Variants in PRKCE observed in about 807,000 individuals in gnomAD.
PRKCE encodes the protein protein kinase C epsilon type.
Under a neutral mutation model 85.4 loss-of-function variants are expected in PRKCE, and 16 were observed. That is an observed-to-expected ratio of 0.19 (90% confidence interval 0.13 to 0.28). The LOEUF is 0.28. Ranked by LOEUF, PRKCE falls within the 10% of genes least tolerant of loss-of-function variation. PRKCE has a pLI of 1.00. For missense variants in PRKCE, 573 were observed against 975.2 expected (o/e 0.59, Z 5.49); for synonymous variants, 388 against 371.5 (o/e 1.04, Z -0.51).
chr2:45,823,911 A>C (rs1460991933), intron 1 of PRKCE, among the ~76,000 whole-genome samples: 1 of 152,208 alleles, frequency 6.6e-6, no homozygotes, highest in East Asian at 1.9e-4. Flanking sequence ...TCCTGGGAGG[A>C]GCAAGGATAT....
chr2:46,160,163 G>T (rs977977760), intron 14 of PRKCE: 1 of 207,888 alleles, frequency 4.8e-6, no homozygotes, highest in Non-Finnish European at 9.6e-6. Context: ...TGGTCATTCC[G>T]TGGAACTAGC....
chr2:46,138,595 G>A lies in PRKCE; in HGVS notation c.1593-6498G>A, dbSNP rs749536518. 3.9e-5 allele frequency among the ~76,000 whole-genome samples: 6 copies of A among 152,224 alleles called. No individual in the cohort carries two copies. The highest frequency in any genetic ancestry group is 7.2e-5 in the African/African-American group (3 of 41,518). Reference sequence around the variant, plus strand: ...AAATCTCTGTCTGGCTTAGTGATCCGGGCCAGGCCGTGTTAGAGCCCTGAT... The same window carrying A: ...AAATCTCTGTCTGGCTTAGTGATCCAGGCCAGGCCGTGTTAGAGCCCTGAT... On this transcript the variant is annotated intron_variant, in intron 11 of 14. Coordinates refer to ENST00000306156, the MANE Select transcript of PRKCE (RefSeq NM_005400.3). The surrounding 1 kb of genome is among the most constrained non-coding windows in gnomAD (Gnocchi z 4.2).
chr2:45,908,990 G>A (rs759853576), intron 2 of PRKCE, among the ~76,000 whole-genome samples: 6 of 152,180 alleles, frequency 3.9e-5, no homozygotes, highest in South Asian at 4.1e-4. Context: ...ATAAAAATGC[G>A]TGACTGAGCC....
chr2:45,779,263 G>A lies in PRKCE; in HGVS notation c.349-63737G>A, dbSNP rs544701777. Reference sequence around the variant, plus strand: ...TAGCTCCTGGCCAACTTGTAGAGGAGAGGAGAGACCCTTGCACACTGCAGT... The same window carrying A: ...TAGCTCCTGGCCAACTTGTAGAGGAAAGGAGAGACCCTTGCACACTGCAGT... On this transcript the variant is annotated intron_variant, in intron 1 of 14. Coordinates refer to ENST00000306156, the MANE Select transcript of PRKCE (RefSeq NM_005400.3). 2.6e-5 allele frequency among the ~76,000 whole-genome samples: 4 copies of A among 152,338 alleles called. No individual in the cohort carries two copies. The South Asian group carries it at 8.3e-4, about 32-fold the overall frequency.
chr2:45,904,386 G>T (rs1696816079), intron 2 of PRKCE, among the ~76,000 whole-genome samples: 1 of 152,042 alleles, frequency 6.6e-6, no homozygotes, highest in Non-Finnish European at 1.5e-5. Flanking sequence ...CAAATCACAG[G>T]GGGAGAAGAT....
At chr2:46,015,262 C>T (rs1706027130) in intron 10 of PRKCE, among the ~76,000 whole-genome samples, 1 of 151,932 alleles carries the variant, frequency 6.6e-6, no homozygotes, top group Non-Finnish European at 1.5e-5. Context: ...ATGAAATTCC[C>T]AGATTTTTAG....
chr2:45,984,189 C>T (rs891993528), intron 5 of PRKCE, among the ~76,000 whole-genome samples: 5 of 152,098 alleles, frequency 3.3e-5, no homozygotes, highest in South Asian at 2.1e-4. Flanking sequence ...CCGCCTACCT[C>T]AGCCTCCCAA....
At chr2:46,052,571 C>G (rs1270148247) in intron 10 of PRKCE, among the ~76,000 whole-genome samples, 1 of 152,144 alleles carries the variant, frequency 6.6e-6, no homozygotes, top group Non-Finnish European at 1.5e-5. Flanking sequence ...CAGTTCTCCC[C>G]AAATTGATCT....
At chr2:45,958,820 T>G (rs898349352) in intron 2 of PRKCE, among the ~76,000 whole-genome samples, 1 of 7,876 alleles carries the variant, frequency 1.3e-4, no homozygotes, top group Non-Finnish European at 2.2e-4. Context: ...ATATATATTT[T>G]TTTTTTTTTT....
chr2:45,850,407 T>C (rs1435537905), intron 2 of PRKCE, among the ~76,000 whole-genome samples: 1 of 152,238 alleles, frequency 6.6e-6, no homozygotes, highest in East Asian at 1.9e-4. Context: ...CTGTGTCCTA[T>C]AAAGAAGATT....
rs558579571 is a variant in PRKCE, at chr2:45,773,198, A to C, written c.349-69802A>C. On this transcript the variant is annotated intron_variant, in intron 1 of 14. Transcript: ENST00000306156. ...GGCTCCTGGGACCCACAGTCTTCCA[A>C]CTCTGCTCTCTGATGTCACTGTCCC... 2.6e-5 allele frequency among the ~76,000 whole-genome samples: 4 copies of C among 152,142 alleles called. No homozygotes were observed. The South Asian group carries it at 6.2e-4, about 24-fold the overall frequency.
At chr2:45,830,851 CA>C (rs1350198792) in intron 1 of PRKCE, among the ~76,000 whole-genome samples, 1 of 152,168 alleles carries the variant, frequency 6.6e-6, no homozygotes, top group African/African-American at 2.4e-5. Context: ...GCTAAACTAT[CA>C]ATTATGTGTG....
intron 14 of PRKCE, among the ~76,000 whole-genome samples, chr2:46,164,109 GAA>G (rs1489639585): frequency 2.6e-5 from 4 of 152,222 alleles, no homozygotes; most frequent in African/African-American, 9.6e-5. Context: ...GCAGAGCTGG[GAA>G]AGAAAGGGCT....
chr2:46,024,513 A>G (rs1015848440), intron 10 of PRKCE, among the ~76,000 whole-genome samples: 1 of 152,172 alleles, frequency 6.6e-6, no homozygotes, highest in Non-Finnish European at 1.5e-5. Context: ...CCTGGGATTC[A>G]TCAGCAGTAT....
chr2:46,035,348 C>T (rs1314227300), intron 10 of PRKCE, among the ~76,000 whole-genome samples: 1 of 152,234 alleles, frequency 6.6e-6, no homozygotes, highest in East Asian at 1.9e-4. Context: ...AAAACAAGGT[C>T]CAGGTCTCCT....
intron 2 of PRKCE, among the ~76,000 whole-genome samples, chr2:45,941,097 C>T (rs1319139193): frequency 1.6e-5 from 2 of 126,024 alleles, no homozygotes; most frequent in Admixed American, 9.2e-5. Flanking sequence ...AGATGATAGG[C>T]ACCTATTCCC....
chr2:46,015,715 G>GAAA (rs1706080548), intron 10 of PRKCE, among the ~76,000 whole-genome samples: 136 of 139,182 alleles, frequency 9.8e-4, no homozygotes, highest in African/African-American at 1.9e-3. Flanking sequence ...AAAAAAAAAC[G>GAAA]AAGTAAAAAT....
intron 1 of PRKCE, among the ~76,000 whole-genome samples, chr2:45,792,892 G>C (rs371481050): frequency 1.3e-5 from 2 of 152,084 alleles, no homozygotes; most frequent in Non-Finnish European, 2.9e-5. Context: ...TCTGTCTCCC[G>C]GGTTCAGGTG....
At chr2:45,890,475 G>A (rs973143264) in intron 2 of PRKCE, among the ~76,000 whole-genome samples, 4 of 152,010 alleles carry the variant, frequency 2.6e-5, no homozygotes, top group African/African-American at 7.3e-5. Flanking sequence ...CACCTCCCAG[G>A]TTCAAGCAAT....
Sources: allele counts gnomAD v4.1 joint callset (sites outside exome capture counted in the v4.1 genomes callset), GRCh38; gene constraint gnomAD v4.1.1; non-coding constraint Gnocchi (gnomAD v3.1); transcripts MANE v1.5; gene names NCBI Gene and HGNC (gene_info 2026-07-23, HGNC 2026-07-21).